PHEX: variants seen among roughly 807,000 people sequenced by gnomAD.
PHEX encodes phosphate regulating endopeptidase X-linked, also known as phosphate-regulating neutral endopeptidase PHEX.
PHEX carries 16 observed loss-of-function variants against 68.0 expected under a neutral mutation model. The ratio of observed to expected loss-of-function variants is 0.24; its 90% CI spans 0.16 to 0.36. The LOEUF (loss-of-function observed/expected upper bound fraction) is 0.36. PHEX is among the 10% of genes least tolerant of loss of function. The pLI, the probability that PHEX is intolerant of heterozygous loss-of-function variation, is 1.00. For synonymous variants in PHEX, 208 were observed against 205.1 expected, an observed-to-expected ratio of 1.01 and a Z score of -0.12; for missense variants, 480 against 575.5, an observed-to-expected ratio of 0.83 and a Z score of 1.70.
At chrX:22,129,455 C>T (rs1931887488) in intron 11 of PHEX, among the ~76,000 whole-genome samples, 1 of 111,512 alleles carries the variant, frequency 9.0e-6, no homozygotes, top group Non-Finnish European at 1.9e-5. Flanking sequence ...GATAAACCTC[C>T]CTTTAAGCAG....
chrX:22,144,346 A>G (rs1301154467), intron 12 of PHEX, among the ~76,000 whole-genome samples: 2 of 111,842 alleles, frequency 1.8e-5, no homozygotes, highest in Non-Finnish European at 3.8e-5. Flanking sequence ...GCAGAGGTAC[A>G]AAATAGAATT....
Position 22,077,657 on chromosome X carries a change from G to T in PHEX, c.618G>T (p.Leu206Phe), listed in dbSNP as rs773617103. The T allele has an allele frequency of 1.7e-6, 2 of 1,209,654 alleles. No homozygotes were observed. Among genetic ancestry groups the T allele is most frequent in the Non-Finnish European group, 2.2e-6 (2 of 893,608 alleles). ...ACAGCAATTCTGTGTTCATCCGTTT[G>T]TATGTGTCCCCTGATGACAAAGCAT... is the stretch of plus-strand genomic sequence containing the variant. ...GQYSNSVFIR[L>F]YVSPDDKASN... The change falls in exon 5 of 22, where the codon TTG (leucine) becomes TTT (phenylalanine). Residue 206 changes from leucine (L) to phenylalanine (F), a missense_variant. Physicochemically the swap from Leu to Phe is conservative, Grantham distance 22. Coordinates refer to ENST00000379374, the MANE Select transcript of PHEX (RefSeq NM_000444.6).
chrX:22,040,098 G>T (rs1927206154), intron 2 of PHEX, among the ~76,000 whole-genome samples: 1 of 111,541 alleles, frequency 9.0e-6, no homozygotes, highest in Admixed American at 9.5e-5. Flanking sequence ...TCAGTGTTAG[G>T]GCCTAGATTT....
intron 13 of PHEX, among the ~76,000 whole-genome samples, chrX:22,175,570 C>T (rs1602360980): frequency 1.8e-5 from 2 of 111,491 alleles, no homozygotes; most frequent in Middle Eastern, 4.6e-3. Flanking sequence ...AGGCTGGCCT[C>T]GAACTCCTGA....
chrX:22,234,596 A>G (rs1003047047), intron 20 of PHEX, among the ~76,000 whole-genome samples: 1 of 109,536 alleles, frequency 9.1e-6, no homozygotes, highest in Non-Finnish European at 1.9e-5. Flanking sequence ...AAGCCTCAGC[A>G]TTGGGGAACG....
chrX:22,219,557 C>T (rs751436523), intron 17 of PHEX, among the ~76,000 whole-genome samples: 36 of 112,091 alleles, frequency 3.2e-4, no homozygotes, highest in African/African-American at 1.0e-3. Flanking sequence ...TTTACGATTT[C>T]GAAGATTATG....
At chrX:22,189,331 T>G (rs1934125185) in intron 14 of PHEX, among the ~76,000 whole-genome samples, 1 of 112,492 alleles carries the variant, frequency 8.9e-6, no homozygotes, top group Admixed American at 9.4e-5. Context: ...CCATTTTTAG[T>G]TCTTTGAGGA....
intron 3 of PHEX, among the ~76,000 whole-genome samples, chrX:22,061,934 G>A (rs1398081994): frequency 8.9e-6 from 1 of 111,775 alleles, no homozygotes; most frequent in East Asian, 2.8e-4. Flanking sequence ...GGCTAGGGAG[G>A]CCTCAGGAAA....
chrX:22,231,061 T>A (rs768058724), intron 20 of PHEX, among the ~76,000 whole-genome samples: 1 of 111,041 alleles, frequency 9.0e-6, no homozygotes, highest in Non-Finnish European at 1.9e-5. Context: ...ATTGGTTCTG[T>A]TTATGTTTAT....
At chrX:22,246,921 G>T (rs751355783) in intron 21 of PHEX, among the ~76,000 whole-genome samples, 17 of 111,610 alleles carry the variant, frequency 1.5e-4, no homozygotes, top group African/African-American at 5.2e-4. Flanking sequence ...TAGAAGGGGG[G>T]AAGTTTTTTG....
At chrX:22,222,948 G>T (rs767592471) in intron 18 of PHEX, among the ~76,000 whole-genome samples, 1 of 111,896 alleles carries the variant, frequency 8.9e-6, no homozygotes, top group African/African-American at 3.2e-5. Context: ...TCATGCTGAG[G>T]TTCTTATTTT....
intron 20 of PHEX, among the ~76,000 whole-genome samples, chrX:22,235,404 G>C (rs1935939543): frequency 1.8e-5 from 2 of 112,065 alleles, no homozygotes; most frequent in African/African-American, 6.5e-5. Context: ...TCATAGACTA[G>C]GTGGCTTATG....
At chrX:22,238,748 G>A (rs773138475) in intron 20 of PHEX, among the ~76,000 whole-genome samples, 41 of 112,041 alleles carry the variant, frequency 3.7e-4, no homozygotes, top group Admixed American at 2.1e-3. Context: ...AGCAGCCCCA[G>A]TCAGGGAATT....
intron 12 of PHEX, among the ~76,000 whole-genome samples, chrX:22,135,891 T>C (rs1264228792): frequency 9.0e-6 from 1 of 111,692 alleles, no homozygotes; most frequent in Non-Finnish European, 1.9e-5. Context: ...CAAAGGCAAA[T>C]TGGATCTCAC....
At chrX:22,200,341 G>T (rs1355142222) in intron 15 of PHEX, among the ~76,000 whole-genome samples, 1 of 112,439 alleles carries the variant, frequency 8.9e-6, no homozygotes, top group East Asian at 2.8e-4. Context: ...GGGTGCAGTG[G>T]CTCACGCCTG....
chrX:22,183,915 G>A (rs1335677175), intron 14 of PHEX, among the ~76,000 whole-genome samples: 1 of 111,803 alleles, frequency 8.9e-6, no homozygotes, highest in Non-Finnish European at 1.9e-5. Flanking sequence ...CTTTAACATC[G>A]TCCTAGGATA....
chrX:22,134,704 C>T (rs750336513), intron 12 of PHEX, among the ~76,000 whole-genome samples: 28 of 112,654 alleles, frequency 2.5e-4, no homozygotes, highest in African/African-American at 8.7e-4. Context: ...TGCTTCTCTG[C>T]AGCTGAGCAT....
At chrX:22,113,719 G>A (rs944592911) in intron 10 of PHEX, among the ~76,000 whole-genome samples, 1 of 110,243 alleles carries the variant, frequency 9.1e-6, no homozygotes, top group Non-Finnish European at 1.9e-5. Flanking sequence ...AACCCTCACT[G>A]GGCAGGAACT....
intron 11 of PHEX, among the ~76,000 whole-genome samples, chrX:22,115,425 C>A (rs1931193087): frequency 8.9e-6 from 1 of 112,308 alleles, no homozygotes; most frequent in African/African-American, 3.2e-5. Flanking sequence ...CACTTATTTA[C>A]CATTGTGTGT....
Sources: gnomAD v4.1 joint callset for allele counts (sites outside exome capture counted in the v4.1 genomes callset) on GRCh38, gnomAD v4.1.1 for gene constraint, MANE v1.5 for transcripts, NCBI Gene and HGNC (gene_info 2026-07-23, HGNC 2026-07-21) for gene names.